CNTNAP2: variants seen among roughly 807,000 people sequenced by gnomAD.
The protein encoded by CNTNAP2 is contactin associated protein 2, also known as contactin-associated protein-like 2.
A neutral mutation model predicts 155.2 loss-of-function variants in CNTNAP2; 98 were observed. The ratio of observed to expected loss-of-function variants is 0.63; its 90% CI spans 0.54 to 0.75. The LOEUF is 0.75. Ranked by LOEUF, CNTNAP2 falls within the 30% of genes least tolerant of loss-of-function variation. CNTNAP2 has a pLI of 0.00. For missense variants in CNTNAP2, 1,727 were observed against 1,688.1 expected (o/e 1.02, Z -0.40); for synonymous variants, 651 against 631.2 (o/e 1.03, Z -0.47).
At chr7:146,909,006 C>T (rs1796211807) in intron 3 of CNTNAP2, among the ~76,000 whole-genome samples, 1 of 150,618 alleles carries the variant, frequency 6.6e-6, no homozygotes, top group East Asian at 1.9e-4. Context: ...AAACTACCAT[C>T]AGAGAATACT....
chr7:147,352,376 T>G (rs1056647555), intron 9 of CNTNAP2, among the ~76,000 whole-genome samples: 1 of 151,934 alleles, frequency 6.6e-6, no homozygotes, highest in Non-Finnish European at 1.5e-5. Flanking sequence ...TTCATCTAAG[T>G]CCAAATTTTA....
chr7:147,325,710 T>G (rs1795442255), intron 9 of CNTNAP2, among the ~76,000 whole-genome samples: 1 of 152,250 alleles, frequency 6.6e-6, no homozygotes, highest in Non-Finnish European at 1.5e-5. Flanking sequence ...TAATGTTTTC[T>G]TATTGTGATT....
chr7:146,503,475 A>G (rs978894051), intron 1 of CNTNAP2, among the ~76,000 whole-genome samples: 2 of 152,232 alleles, frequency 1.3e-5, no homozygotes, highest in African/African-American at 4.8e-5. Context: ...TGGCCTAGCC[A>G]AAAGATTGTA....
At chr7:146,238,519 G>C (rs1328753598) in intron 1 of CNTNAP2, among the ~76,000 whole-genome samples, 1 of 152,004 alleles carries the variant, frequency 6.6e-6, no homozygotes, top group African/African-American at 2.4e-5. Context: ...GCACAAAAAA[G>C]CTGTATAATT....
intron 10 of CNTNAP2, among the ~76,000 whole-genome samples, chr7:147,398,160 T>C (rs563237607): frequency 1.2e-4 from 19 of 152,222 alleles, no homozygotes; most frequent in Non-Finnish European, 2.6e-4. Flanking sequence ...TCTGTGTCTT[T>C]CCAGGTAAAA....
intron 12 of CNTNAP2, among the ~76,000 whole-genome samples, chr7:147,618,991 GA>G (rs1369582473): frequency 6.6e-6 from 1 of 152,182 alleles, no homozygotes; most frequent in African/African-American, 2.4e-5. Flanking sequence ...TATTGCCAGA[GA>G]CAGGAACAGG....
At chr7:146,979,824 T>C (rs1385368942) in intron 3 of CNTNAP2, among the ~76,000 whole-genome samples, 1 of 152,212 alleles carries the variant, frequency 6.6e-6, no homozygotes, top group African/African-American at 2.4e-5. Flanking sequence ...ACTGACTCCT[T>C]ATAAGAGGAC....
In CNTNAP2 at chr7:148,205,004, G is replaced by C. The variant is rs960959001; in HGVS notation, c.3011-12284G>C. 2.0e-5 allele frequency among the ~76,000 whole-genome samples: 3 copies of C among 152,242 alleles called. No homozygotes were observed. The South Asian group carries it at 6.2e-4, about 32-fold the overall frequency. On this transcript the variant is annotated intron_variant, in intron 18 of 23. Coordinates refer to ENST00000361727, the MANE Select transcript of CNTNAP2 (RefSeq NM_014141.6). ...TGGCACCTATTGGAACTCAGTAGGA[G>C]CTCATGTCTTCATGGTGTGTAAATA...
intron 11 of CNTNAP2, among the ~76,000 whole-genome samples, chr7:147,552,104 G>A (rs1442225606): frequency 1.3e-5 from 2 of 152,100 alleles, no homozygotes; most frequent in African/African-American, 4.8e-5. Context: ...TCACAAAAAG[G>A]AGTTCTGATT....
intron 8 of CNTNAP2, among the ~76,000 whole-genome samples, chr7:147,135,751 T>C (rs187583437): frequency 2.0e-5 from 3 of 150,926 alleles, no homozygotes; most frequent in African/African-American, 7.3e-5. Flanking sequence ...CTATGATAAG[T>C]GTGATATTTT....
At chr7:148,320,383 T>C (rs989908543) in intron 21 of CNTNAP2, among the ~76,000 whole-genome samples, 7 of 131,182 alleles carry the variant, frequency 5.3e-5, no homozygotes, top group South Asian at 5.6e-4. Context: ...TTTCTTTTTT[T>C]TTTTTTTTTT....
intron 8 of CNTNAP2, among the ~76,000 whole-genome samples, chr7:147,279,778 A>G (rs1377767490): frequency 6.6e-6 from 1 of 151,886 alleles, no homozygotes; most frequent in East Asian, 1.9e-4. Context: ...TGTAAACGCT[A>G]AATACTTTAA....
intron 1 of CNTNAP2, among the ~76,000 whole-genome samples, chr7:146,526,181 T>C (rs1797689551): frequency 6.6e-6 from 1 of 152,186 alleles, no homozygotes; most frequent in South Asian, 2.1e-4. Flanking sequence ...TTGGGTTGCA[T>C]GTAACTCTTT....
intron 1 of CNTNAP2, among the ~76,000 whole-genome samples, chr7:146,697,995 T>C (rs1800810928): frequency 6.6e-6 from 1 of 152,098 alleles, no homozygotes; most frequent in Non-Finnish European, 1.5e-5. Flanking sequence ...GTTTGCAATA[T>C]ACATTTGCAA....
intron 21 of CNTNAP2, among the ~76,000 whole-genome samples, chr7:148,375,238 ATGTT>A (rs1380638410): frequency 1.4e-5 from 2 of 138,194 alleles, no homozygotes; most frequent in Non-Finnish European, 3.1e-5. Flanking sequence ...GTATATATGT[ATGTT>A]ATACTATATA....
Position 148,068,497 on chromosome 7 carries a change from C to T in CNTNAP2, c.2384-49621C>T, listed in dbSNP as rs150381032. Among the ~76,000 whole-genome samples, 518 of 152,320 alleles carry T rather than the reference C, an allele frequency of 3.4e-3. 1 individual carries two copies. The highest frequency in any genetic ancestry group is 0.012 in the African/African-American group (494 of 41,554). On this transcript the variant is annotated intron_variant, in intron 15 of 23. Transcript: ENST00000361727. The stretch of plus-strand genomic sequence containing the variant: ...TTCAGAAGTGGACTTTCCCTCCTCA[C>T]GCTTTGGGCACTCACAGTGTGAATT...
At chr7:147,561,959 GA>G (rs1356379617) in intron 11 of CNTNAP2, among the ~76,000 whole-genome samples, 178 bp from the exon 12 acceptor site, 1 of 152,174 alleles carries the variant, frequency 6.6e-6, no homozygotes, top group African/African-American at 2.4e-5. Flanking sequence ...GGTAGGTCAG[GA>G]ATGCTTATAG....
In CNTNAP2 at chr7:147,231,914, G is replaced by A. The variant is rs889265251; in HGVS notation, c.1349-68227G>A. ...TGTTAATTGATTTTTGTTTTTGTTT[G>A]TGATTTTTGCTGTGTGGATACTTTT... On this transcript the variant is annotated intron_variant, in intron 8 of 23. Coordinates refer to ENST00000361727, the MANE Select transcript of CNTNAP2 (RefSeq NM_014141.6). Among the ~76,000 whole-genome samples the A allele has an allele frequency of 2.0e-5, 3 of 152,086 alleles. No individual in the cohort carries two copies. The East Asian group carries it at 5.8e-4, about 29-fold the overall frequency.
chr7:147,452,429 A>G (rs1797848560), intron 10 of CNTNAP2, among the ~76,000 whole-genome samples: 1 of 152,214 alleles, frequency 6.6e-6, no homozygotes, highest in African/African-American at 2.4e-5. Flanking sequence ...TGACCTTCAT[A>G]TAATGTACAT....
Sources: allele counts gnomAD v4.1 joint callset (sites outside exome capture counted in the v4.1 genomes callset), GRCh38; gene constraint gnomAD v4.1.1; transcripts MANE v1.5; gene names NCBI Gene and HGNC (gene_info 2026-07-23, HGNC 2026-07-21).